Variants in PKHD1 observed in about 807,000 individuals in gnomAD.
The protein encoded by PKHD1 is PKHD1 ciliary IPT domain containing fibrocystin/polyductin.
Under a neutral mutation model 412.0 loss-of-function variants are expected in PKHD1, and 291 were observed. That is an observed-to-expected ratio of 0.71 (90% CI 0.64 to 0.78). The LOEUF (loss-of-function observed/expected upper bound fraction) is 0.78, where lower values mean the gene tolerates loss of function less well. PKHD1 is among the 30% of genes least tolerant of loss of function. The pLI is 0.00. For synonymous variants in PKHD1, 1,777 were observed against 1,821.5 expected, an observed-to-expected ratio of 0.98 and a Z score of 0.62; for missense variants, 4,825 against 4,950.7, an observed-to-expected ratio of 0.97 and a Z score of 0.76.
chr6:52,073,695 G>A (rs1359385716), intron 6 of PKHD1, among the ~76,000 whole-genome samples, 154 bp from the exon 7 acceptor site: 1 of 152,150 alleles, frequency 6.6e-6, no homozygotes, highest in Admixed American at 6.6e-5. Flanking sequence ...ACAACAGTAA[G>A]GTCAAGGGTA....
At chr6:52,076,224 G>T (rs775764890) in intron 6 of PKHD1, 52 bp downstream of exon 6, 1 of 1,306,106 alleles carries the variant, frequency 7.7e-7, no homozygotes, top group Non-Finnish European at 1.1e-6. Context: ...TTTGCAACAA[G>T]CTTTGGCAAA....
intron 32 of PKHD1, among the ~76,000 whole-genome samples, chr6:52,024,054 G>A (rs1562157841): frequency 6.6e-6 from 1 of 152,158 alleles, no homozygotes; most frequent in Non-Finnish European, 1.5e-5. Flanking sequence ...TTCACTGGAG[G>A]GAAAGGCTAG....
chr6:51,737,862 T>C (rs1393697251), intron 60 of PKHD1, among the ~76,000 whole-genome samples: 1 of 152,124 alleles, frequency 6.6e-6, no homozygotes, highest in Non-Finnish European at 1.5e-5. Context: ...TTTTAGTAGC[T>C]AGTGTCCTGA....
At chr6:51,940,848 C>G (rs560733088) in intron 36 of PKHD1, among the ~76,000 whole-genome samples, 1 of 151,564 alleles carries the variant, frequency 6.6e-6, no homozygotes, top group South Asian at 2.1e-4. Flanking sequence ...GCTTCTAAAC[C>G]TCTTAAAACT....
chr6:51,947,801 A>C (rs1252324871), intron 36 of PKHD1, among the ~76,000 whole-genome samples: 1 of 152,126 alleles, frequency 6.6e-6, no homozygotes, highest in Admixed American at 6.5e-5. Flanking sequence ...TATATCTCCA[A>C]GCTTGTGCCC....
At chr6:51,742,675 C>T (rs1784701817) in intron 60 of PKHD1, among the ~76,000 whole-genome samples, 3 of 151,912 alleles carry the variant, frequency 2.0e-5, no homozygotes. Flanking sequence ...TTGAGTAACC[C>T]CCAAATACAC....
chr6:52,041,409 T>C (rs1361629173), intron 27 of PKHD1, among the ~76,000 whole-genome samples: 2 of 152,152 alleles, frequency 1.3e-5, no homozygotes, highest in East Asian at 3.8e-4. Context: ...ATACTGCTTG[T>C]CCAGGACCAC....
Position 52,051,673 on chromosome 6 carries a change from C to T in PKHD1, c.2141-1378G>A, listed in dbSNP as rs981946908. 9.2e-5 allele frequency among the ~76,000 whole-genome samples: 14 copies of T among 152,110 alleles called. No homozygotes were observed. The East Asian group carries it at 2.1e-3, about 23-fold the overall frequency. ...TGAATCCTTGGCTTCAAGTGTTTGG[C>T]GAGGCAGAATGGCATTAAAGGGAGA... is the stretch of plus-strand genomic sequence containing the variant. On this transcript the variant is annotated intron_variant, in intron 21 of 66. Coordinates refer to ENST00000371117, the MANE Select transcript of PKHD1 (RefSeq NM_138694.4).
intron 27 of PKHD1, among the ~76,000 whole-genome samples, chr6:52,042,199 A>G (rs549019124): frequency 4.1e-4 from 62 of 152,260 alleles, no homozygotes; most frequent in African/African-American, 1.5e-3. Context: ...TCTAGGCAAA[A>G]TAGGGTCAGA....
At position 52,001,653 on chromosome 6, in the gene PKHD1, G is replaced by A. The variant is rs557158559; in HGVS notation, c.5751+8656C>T. Among the ~76,000 whole-genome samples, 34 of 151,982 alleles carry A rather than the reference G, an allele frequency of 2.2e-4. 1 individual carries two copies. In the South Asian group the frequency reaches 6.0e-3, roughly 27 times the overall value. Reference sequence around the variant, plus strand: ...TCACCGTGTTAGCCAGGATGGTCTCGATCTCCTGACCTCGTGATCTGCCCA... The same window carrying A: ...TCACCGTGTTAGCCAGGATGGTCTCAATCTCCTGACCTCGTGATCTGCCCA... On this transcript the variant is annotated intron_variant, in intron 35 of 66. Transcript: ENST00000371117.
At chr6:51,821,100 C>T (rs1452366298) in intron 52 of PKHD1, among the ~76,000 whole-genome samples, 1 of 152,144 alleles carries the variant, frequency 6.6e-6, no homozygotes, top group African/African-American at 2.4e-5. Context: ...AGTTTCCCTT[C>T]TTTTGTAAGA....
At chr6:51,978,978 T>C (rs2128017345) in intron 35 of PKHD1, among the ~76,000 whole-genome samples, 1 of 152,334 alleles carries the variant, frequency 6.6e-6, no homozygotes, top group East Asian at 1.9e-4. Flanking sequence ...ATTCATTATT[T>C]TCCCCTTTCT....
intron 60 of PKHD1, among the ~76,000 whole-genome samples, chr6:51,699,622 A>G (rs1003670671): frequency 4.6e-5 from 7 of 152,192 alleles, no homozygotes; most frequent in Non-Finnish European, 1.0e-4. Flanking sequence ...TTAAGTATAT[A>G]TATAACTTTA....
chr6:52,053,387 A>C (rs774434839), intron 20 of PKHD1, 136 bp from the exon 21 acceptor site: 35 of 849,142 alleles, frequency 4.1e-5, no homozygotes, highest in Non-Finnish European at 6.4e-5. Context: ...CCTGCACCCA[A>C]GCAGTCCTGG....
chr6:51,629,716 A>C (rs1343213340), intron 65 of PKHD1, among the ~76,000 whole-genome samples: 1 of 152,142 alleles, frequency 6.6e-6, no homozygotes, highest in Non-Finnish European at 1.5e-5. Flanking sequence ...TTTGCAATTG[A>C]ATTTTGAGCT....
At chr6:52,069,697 G>A (rs1436232126) in intron 10 of PKHD1, among the ~76,000 whole-genome samples, 170 bp from the exon 11 acceptor site, 1 of 152,078 alleles carries the variant, frequency 6.6e-6, no homozygotes, top group Admixed American at 6.6e-5. Context: ...GGACAAAGTT[G>A]TTTTCTGATA....
At chr6:51,859,526 A>C (rs1033393691) in intron 48 of PKHD1, among the ~76,000 whole-genome samples, 20 of 5,162 alleles carry the variant, frequency 3.9e-3, no homozygotes, top group African/African-American at 0.011. Flanking sequence ...ATTCCGTCCC[A>C]AAAAAAAAAA....
intron 60 of PKHD1, among the ~76,000 whole-genome samples, chr6:51,717,647 A>C (rs542571524): frequency 3.9e-5 from 6 of 152,170 alleles, no homozygotes; most frequent in Non-Finnish European, 7.4e-5. Flanking sequence ...AGGTTTGCCT[A>C]AGTACACTGT....
intron 60 of PKHD1, chr6:51,722,137 C>A: frequency 1.9e-6 from 3 of 1,543,992 alleles, no homozygotes; most frequent in Non-Finnish European, 2.7e-6. Context: ...ATACCCCACA[C>A]CTTGTAATAT....
Sources: gnomAD v4.1 joint callset for allele counts (sites outside exome capture counted in the v4.1 genomes callset) on GRCh38, gnomAD v4.1.1 for gene constraint, MANE v1.5 for transcripts, NCBI Gene and HGNC (gene_info 2026-07-23, HGNC 2026-07-21) for gene names.